Variants in CFAP47 observed in about 807,000 individuals in gnomAD.
CFAP47 encodes the protein cilia- and flagella-associated protein 47.
CFAP47 carries 29 observed loss-of-function variants against 148.1 expected under a neutral mutation model. That is an observed-to-expected ratio of 0.20 (90% CI 0.15 to 0.27). The LOEUF is 0.27. Among genes scored for constraint, CFAP47 ranks in the 10% least tolerant of loss-of-function variants. The pLI is 1.00. For missense variants in CFAP47, 1,872 were observed against 1,697.5 expected, an observed-to-expected ratio of 1.10 and a Z score of -1.81; for synonymous variants, 664 against 577.3, an observed-to-expected ratio of 1.15 and a Z score of -2.15.
intron 46 of CFAP47, 44 bp from the exon 47 acceptor site, chrX:36,235,890 C>A: frequency 2.4e-6 from 1 of 422,069 alleles, no homozygotes; most frequent in Non-Finnish European, 4.2e-6. Flanking sequence ...TCAATTTCAT[C>A]AATATCATCT....
chrX:35,982,545 C>T (rs752942857), intron 15 of CFAP47, among the ~76,000 whole-genome samples: 38 of 111,093 alleles, frequency 3.4e-4, no homozygotes, highest in Non-Finnish European at 4.5e-4. Context: ...GGGCTTATCT[C>T]CATAATGCTA....
chrX:36,350,273 C>T, intron 59 of CFAP47, 141 bp downstream of exon 59: 2 of 387,652 alleles, frequency 5.2e-6, no homozygotes. Flanking sequence ...ATGACATAAA[C>T]ATGCTCTCCC....
chrX:36,252,282 G>A (rs1189281580), intron 49 of CFAP47, among the ~76,000 whole-genome samples: 1 of 108,602 alleles, frequency 9.2e-6, no homozygotes, highest in African/African-American at 3.3e-5. Context: ...TTGAGGGAAG[G>A]GTTTATATCT....
intron 61 of CFAP47, among the ~76,000 whole-genome samples, chrX:36,364,815 T>G (rs1364193378): frequency 4.8e-5 from 5 of 104,383 alleles, no homozygotes; most frequent in African/African-American, 1.7e-4. Flanking sequence ...TTTGGAGAAC[T>G]AGTTTAGGAA....
At chrX:36,292,632 T>A (rs1941204392) in intron 51 of CFAP47, among the ~76,000 whole-genome samples, 1 of 111,833 alleles carries the variant, frequency 8.9e-6, no homozygotes, top group Admixed American at 9.5e-5. Context: ...AAATAATCTT[T>A]ATTTATTCTG....
At chrX:36,091,823 A>G (rs1344092061) in intron 30 of CFAP47, among the ~76,000 whole-genome samples, 1 of 111,005 alleles carries the variant, frequency 9.0e-6, no homozygotes, top group South Asian at 3.7e-4. Context: ...TTAAGCCTCC[A>G]TTTTCCTTTT....
At chrX:36,126,769 A>C (rs1255326374) in intron 33 of CFAP47, among the ~76,000 whole-genome samples, 2 of 111,621 alleles carry the variant, frequency 1.8e-5, no homozygotes, top group Non-Finnish European at 3.8e-5. Context: ...TTTTTTCCTG[A>C]CTTTTTAATG....
intron 62 of CFAP47, among the ~76,000 whole-genome samples, chrX:36,371,847 T>C (rs1185543185): frequency 1.2e-5 from 1 of 80,501 alleles, no homozygotes; most frequent in Non-Finnish European, 2.4e-5. Flanking sequence ...TATATGTGTG[T>C]ATATATGTGT....
chrX:36,242,593 G>T (rs955436061), intron 48 of CFAP47, among the ~76,000 whole-genome samples: 17 of 111,970 alleles, frequency 1.5e-4, no homozygotes, highest in African/African-American at 5.5e-4. Flanking sequence ...ATAGCTCAAA[G>T]ATGTTCTTTG....
At position 35,951,296 on chromosome X, in the gene CFAP47, T is replaced by C. The variant is rs988916500; in HGVS notation, c.822T>C (p.Asn274=). ...AAATTAAACATGCACGTGTATACAA[T>C]AATAGCCCAGAGCCCATAAATTGGG... The part of the protein sequence containing the change: ...SSKIKHARVY[N]NSPEPINWVA... Residue 274 remains asparagine, a synonymous_variant, in exon 5 of 64, where the codon AAT becomes AAC. Coordinates refer to ENST00000378653, the MANE Select transcript of CFAP47 (RefSeq NM_001304548.2). 2.5e-6 allele frequency: 3 copies of C among 1,208,630 alleles called. No homozygotes were observed. The African/African-American group carries it at 5.3e-5, about 21-fold the overall frequency.
At chrX:35,928,550 C>T (rs995445501) in intron 2 of CFAP47, among the ~76,000 whole-genome samples, 4 of 111,225 alleles carry the variant, frequency 3.6e-5, no homozygotes, top group Non-Finnish European at 7.6e-5. Context: ...ATTCTGGATA[C>T]AAGTCTTTTG....
chrX:36,190,254 G>A (rs945700151), intron 42 of CFAP47, 58 bp downstream of exon 42: 16 of 292,709 alleles, frequency 5.5e-5, no homozygotes, highest in African/African-American at 3.8e-4. Flanking sequence ...ATGGAGTAAC[G>A]AACAGCAGGT....
chrX:36,118,563 G>A (rs112814062), intron 33 of CFAP47, among the ~76,000 whole-genome samples: 3,416 of 110,574 alleles, frequency 0.031, 55 homozygotes, highest in Non-Finnish European at 0.05. Context: ...TCTGCCTCCC[G>A]GGTTTACACC....
intron 45 of CFAP47, among the ~76,000 whole-genome samples, chrX:36,212,339 C>T (rs1452277765): frequency 9.0e-6 from 1 of 111,576 alleles, no homozygotes; most frequent in African/African-American, 3.3e-5. Context: ...AAGTGTGAGT[C>T]CTTCAATATT....
intron 55 of CFAP47, 39 bp downstream of exon 55, chrX:36,306,915 A>C: frequency 1.5e-6 from 1 of 648,302 alleles, no homozygotes; most frequent in Non-Finnish European, 2.2e-6. Flanking sequence ...AAGTTAATTA[A>C]ATTTTAAATC....
chrX:36,111,856 A>C (rs755151330), intron 33 of CFAP47, among the ~76,000 whole-genome samples: 8 of 111,616 alleles, frequency 7.2e-5, no homozygotes, highest in Admixed American at 2.9e-4. Context: ...TGTGTCCAGG[A>C]ATTTATCCAT....
chrX:36,264,791 C>A (rs182252457), intron 49 of CFAP47, among the ~76,000 whole-genome samples: 74 of 112,074 alleles, frequency 6.6e-4, no homozygotes, highest in African/African-American at 2.4e-3. Context: ...GCTATTGTTG[C>A]AGGGGAGATA....
chrX:36,096,956 G>A (rs192829197), intron 30 of CFAP47, among the ~76,000 whole-genome samples: 1 of 110,902 alleles, frequency 9.0e-6, no homozygotes, highest in Non-Finnish European at 1.9e-5. Flanking sequence ...CTCTGGTAAT[G>A]TGATTTTGCT....
At chrX:36,062,344 G>T (rs771124318) in intron 26 of CFAP47, among the ~76,000 whole-genome samples, 1 of 111,382 alleles carries the variant, frequency 9.0e-6, no homozygotes, top group Non-Finnish European at 1.9e-5. Context: ...TAAATACAAG[G>T]CCAGTTATCA....
Sources: allele counts gnomAD v4.1 joint callset (sites outside exome capture counted in the v4.1 genomes callset), GRCh38; gene constraint gnomAD v4.1.1; transcripts MANE v1.5; gene names NCBI Gene and HGNC (gene_info 2026-07-23, HGNC 2026-07-21).